ARFGEF1: variants seen among roughly 807,000 people sequenced by gnomAD.
The protein encoded by ARFGEF1 is brefeldin A-inhibited guanine nucleotide-exchange protein 1.
Under a neutral mutation model 231.0 loss-of-function variants are expected in ARFGEF1, and 42 were observed. The observed-to-expected ratio is 0.18, with a 90% CI of 0.14 to 0.24. The LOEUF is 0.24. Among genes scored for constraint, ARFGEF1 ranks in the 10% least tolerant of loss-of-function variants. ARFGEF1 has a pLI of 1.00. For synonymous variants in ARFGEF1, 710 were observed against 732.3 expected, an observed-to-expected ratio of 0.97 and a Z score of 0.49; for missense variants, 1,345 against 2,192.0, an observed-to-expected ratio of 0.61 and a Z score of 7.72.
Position 67,287,658 on chromosome 8 carries a change from T to C in ARFGEF1, c.1027+297A>G, listed in dbSNP as rs188263200. 3.2e-3 allele frequency among the ~76,000 whole-genome samples: 495 copies of C among 152,326 alleles called. 3 individuals are homozygous for C. Among genetic ancestry groups the C allele is most frequent in the African/African-American group, 0.011 (478 of 41,582 alleles). Reference sequence around the variant, plus strand: ...CATATTTTTGTCTCCATTTAGACGGTTTCTGTCCTATCCAGGCTTTGAATA... The same window carrying C: ...CATATTTTTGTCTCCATTTAGACGGCTTCTGTCCTATCCAGGCTTTGAATA... On this transcript the variant is annotated intron_variant, in intron 7 of 38. Coordinates refer to ENST00000262215, the MANE Select transcript of ARFGEF1 (RefSeq NM_006421.5).
intron 22 of ARFGEF1, among the ~76,000 whole-genome samples, chr8:67,237,634 G>A (rs1374460125): frequency 1.3e-5 from 2 of 152,172 alleles, no homozygotes; most frequent in Non-Finnish European, 2.9e-5. Flanking sequence ...GCTAAGTCCA[G>A]TCATATATAT....
intron 30 of ARFGEF1, among the ~76,000 whole-genome samples, chr8:67,218,921 A>G (rs1254832276): frequency 6.6e-6 from 1 of 152,218 alleles, no homozygotes; most frequent in Non-Finnish European, 1.5e-5. Context: ...CACTGAAAAC[A>G]AAACAGAACA....
intron 1 of ARFGEF1, among the ~76,000 whole-genome samples, chr8:67,331,961 T>C (rs1808119476): frequency 6.6e-6 from 1 of 152,026 alleles, no homozygotes; most frequent in Non-Finnish European, 1.5e-5. Flanking sequence ...GTTCTGCATA[T>C]ATAACAAACA....
At chr8:67,257,918 T>A in intron 16 of ARFGEF1, 102 bp from the exon 17 acceptor site, 1 of 1,208,410 alleles carries the variant, frequency 8.3e-7, no homozygotes, top group Non-Finnish European at 1.2e-6. Flanking sequence ...TCTCTAAGTA[T>A]CTCACATTAC....
chr8:67,317,605 T>C lies in ARFGEF1; in HGVS notation c.125-15139A>G, dbSNP rs1203892321. ...GTTTATTCTAAAGACACAGAACTAATATTTAAAAAAAAAAAAAAAAAAAGG... is the reference window on the plus strand; with the variant it reads ...GTTTATTCTAAAGACACAGAACTAACATTTAAAAAAAAAAAAAAAAAAAGG... On this transcript the variant is annotated intron_variant, in intron 1 of 38. Transcript: ENST00000262215. 5.4e-5 allele frequency among the ~76,000 whole-genome samples: 7 copies of C among 128,622 alleles called. No homozygotes were observed. In the Admixed American group the frequency reaches 5.7e-4, roughly 10 times the overall value. The allele number at this position is 128,622 out of a possible 152,430, so 84.4% of individuals were successfully genotyped here.
chr8:67,339,606 C>T (rs1808506599), intron 1 of ARFGEF1, among the ~76,000 whole-genome samples: 1 of 151,730 alleles, frequency 6.6e-6, no homozygotes, highest in Non-Finnish European at 1.5e-5. Flanking sequence ...TCTCATCTGC[C>T]AGCAGATGGC....
intron 22 of ARFGEF1, among the ~76,000 whole-genome samples, chr8:67,235,893 A>G (rs187489475): frequency 6.6e-6 from 1 of 152,276 alleles, no homozygotes; most frequent in East Asian, 1.9e-4. Flanking sequence ...GTATTTCCAA[A>G]AAGTGAAAGT....
intron 23 of ARFGEF1, among the ~76,000 whole-genome samples, chr8:67,230,782 TAAC>T (rs1839529150): frequency 6.6e-6 from 1 of 152,072 alleles, no homozygotes; most frequent in Non-Finnish European, 1.5e-5. Context: ...TGGTCTAATT[TAAC>T]AACACATAAA....
intron 1 of ARFGEF1, among the ~76,000 whole-genome samples, chr8:67,311,883 C>T (rs1807085485): frequency 1.3e-5 from 2 of 152,190 alleles, no homozygotes; most frequent in Non-Finnish European, 2.9e-5. Context: ...TTTCATTTTG[C>T]TCTGTACTAA....
At chr8:67,186,829 G>T (rs1049039131) in intron 5 of ARFGEF1, among the ~76,000 whole-genome samples, 1 of 152,144 alleles carries the variant, frequency 6.6e-6, no homozygotes, top group Non-Finnish European at 1.5e-5. Context: ...CAAGTTGTGG[G>T]ATACAAGATG....
chr8:67,336,141 C>A (rs1808338101), intron 1 of ARFGEF1, among the ~76,000 whole-genome samples: 1 of 152,146 alleles, frequency 6.6e-6, no homozygotes, highest in Non-Finnish European at 1.5e-5. Context: ...CTAAGCAAAA[C>A]AAAATATCAA....
chr8:67,182,383 A>G (rs76237424), intron 5 of ARFGEF1, among the ~76,000 whole-genome samples: 2,298 of 152,112 alleles, frequency 0.015, 61 homozygotes, highest in African/African-American at 0.053. Flanking sequence ...TTATCCAATC[A>G]TCTGTCAGTA....
chr8:67,300,463 A>G (rs1806428257), intron 3 of ARFGEF1, among the ~76,000 whole-genome samples: 1 of 152,174 alleles, frequency 6.6e-6, no homozygotes, highest in African/African-American at 2.4e-5. Context: ...TGCCATCGCT[A>G]AAGTATAGCA....
intron 34 of ARFGEF1, among the ~76,000 whole-genome samples, chr8:67,210,464 C>G (rs1034992768): frequency 1.3e-5 from 2 of 151,976 alleles, no homozygotes; most frequent in African/African-American, 4.8e-5. Flanking sequence ...GAGTGAGACT[C>G]TGTCTCAAAA....
chr8:67,269,464 T>TG lies in ARFGEF1; in HGVS notation c.1573-2023dup, dbSNP rs1332350113. Among the ~76,000 whole-genome samples, 4 of 151,236 alleles carry TG rather than the reference T, an allele frequency of 2.6e-5. No homozygotes were observed. In the East Asian group the frequency reaches 7.9e-4, roughly 30 times the overall value. ...GCCTCCCAGGTTCAAGCGATTGTCC[T>TG]GCCTCTGCTCCCAAGTAGCTGGGAT... is the stretch of plus-strand genomic sequence containing the variant. On this transcript the variant is annotated intron_variant, in intron 10 of 38. Transcript: ENST00000262215.
At chr8:67,225,625 C>A (rs1019905610) in intron 28 of ARFGEF1, among the ~76,000 whole-genome samples, 2 of 152,118 alleles carry the variant, frequency 1.3e-5, no homozygotes, top group African/African-American at 4.8e-5. Context: ...ACAGCACAGA[C>A]AGACAAGATG....
intron 28 of ARFGEF1, among the ~76,000 whole-genome samples, chr8:67,225,608 G>GT (rs1839345913): frequency 6.6e-6 from 1 of 152,116 alleles, no homozygotes; most frequent in African/African-American, 2.4e-5. Flanking sequence ...GTCAGCTTCA[G>GT]TATTACACAG....
chr8:67,297,117 C>A (rs969529080), intron 4 of ARFGEF1, among the ~76,000 whole-genome samples: 1 of 152,170 alleles, frequency 6.6e-6, no homozygotes, highest in Non-Finnish European at 1.5e-5. Context: ...TTCCTCACTG[C>A]GGCAGTAATT....
At chr8:67,276,236 A>G (rs1006470623) in intron 8 of ARFGEF1, 127 bp from the exon 9 acceptor site, 1 of 985,954 alleles carries the variant, frequency 1.0e-6, no homozygotes, top group Non-Finnish European at 1.5e-6. Flanking sequence ...AAGGGGAACC[A>G]GATGAGGGAA....
Sources: gnomAD v4.1 joint callset for allele counts (sites outside exome capture counted in the v4.1 genomes callset) on GRCh38, gnomAD v4.1.1 for gene constraint, MANE v1.5 for transcripts, NCBI Gene and HGNC (gene_info 2026-07-23, HGNC 2026-07-21) for gene names.